PDE10A: variants seen among roughly 807,000 people sequenced by gnomAD.
The protein encoded by PDE10A is phosphodiesterase 10A.
PDE10A carries 39 observed loss-of-function variants against 97.7 expected under a neutral mutation model. That is an observed-to-expected ratio of 0.40 (90% confidence interval 0.31 to 0.52). The LOEUF (loss-of-function observed/expected upper bound fraction) is 0.52. Among genes scored for constraint, PDE10A ranks in the 20% least tolerant of loss-of-function variants. The pLI, the probability that PDE10A is intolerant of heterozygous loss-of-function variation, is 0.56. For synonymous variants in PDE10A, 371 were observed against 376.8 expected, an observed-to-expected ratio of 0.98 and a Z score of 0.18; for missense variants, 731 against 1,047.8, an observed-to-expected ratio of 0.70 and a Z score of 4.17.
intron 3 of PDE10A, among the ~76,000 whole-genome samples, chr6:165,474,736 C>G (rs907913702): frequency 6.6e-6 from 1 of 152,130 alleles, no homozygotes; most frequent in Admixed American, 6.6e-5. Context: ...TAATTCCACT[C>G]TTAGTATTTG....
chr6:165,399,759 C>A (rs1786486469), intron 13 of PDE10A, among the ~76,000 whole-genome samples: 1 of 152,164 alleles, frequency 6.6e-6, no homozygotes, highest in South Asian at 2.1e-4. Flanking sequence ...ATGAACTCAT[C>A]ATTTTTTATG....
rs191496198 is a variant in PDE10A at position 165,371,265 on chromosome 6, A to G, written c.2783+7929T>C. 6.4e-3 allele frequency among the ~76,000 whole-genome samples: 970 copies of G among 151,820 alleles called. 34 individuals are homozygous for G. Among genetic ancestry groups the G allele is most frequent in the Admixed American group, 0.06 (905 of 15,186 alleles). On this transcript the variant is annotated intron_variant, in intron 18 of 21. Coordinates refer to ENST00000539869, the MANE Select transcript of PDE10A (RefSeq NM_001385079.1). ...TGAAGGAAATAGAGACACAAAAAACATTTCAAAAAATTAATGAATCCAGGA... is the reference window on the plus strand; with the variant it reads ...TGAAGGAAATAGAGACACAAAAAACGTTTCAAAAAATTAATGAATCCAGGA...
Position 165,416,177 on chromosome 6 carries a change from G to A in PDE10A, c.1889+12C>T. The A allele has an allele frequency of 6.5e-7, 1 of 1,535,530 alleles. No individual in the cohort carries two copies. The highest frequency in any genetic ancestry group is 9.0e-7 in the Non-Finnish European group (1 of 1,108,374). On this transcript the variant is annotated intron_variant, in intron 12 of 21. Transcript: ENST00000539869. The stretch of plus-strand genomic sequence containing the variant: ...AGAAATCAATGGAGTGTCGACATCA[G>A]CTATTTCTTACCTGTTAAAGCGTGG...
At chr6:165,754,421 A>T (rs761606361) in intron 1 of PDE10A, 10 of 152,246 alleles carry the variant, frequency 6.6e-5, no homozygotes, top group Non-Finnish European at 1.3e-4. Context: ...TACTAACTAC[A>T]ATTACTAACA....
intron 1 of PDE10A, among the ~76,000 whole-genome samples, chr6:165,622,525 T>A (rs148050021): frequency 6.6e-6 from 1 of 152,218 alleles, no homozygotes; most frequent in African/African-American, 2.4e-5. Flanking sequence ...GATTTGTGTA[T>A]CTAAACATAT....
intron 2 of PDE10A, among the ~76,000 whole-genome samples, chr6:165,503,281 CAACGTGACTCAT>C (rs1303484670): frequency 3.9e-5 from 6 of 152,192 alleles, no homozygotes; most frequent in African/African-American, 1.2e-4. Flanking sequence ...AAGAACTTCT[CAACGTGACTCAT>C]ATTATTCCTT....
chr6:165,649,355 G>A (rs978572479), intron 1 of PDE10A, among the ~76,000 whole-genome samples: 2 of 152,174 alleles, frequency 1.3e-5, no homozygotes, highest in Non-Finnish European at 2.9e-5. Context: ...TCCAAACCAA[G>A]GGGGAAGAGT....
At chr6:165,706,493 C>T (rs1468798405) in intron 1 of PDE10A, among the ~76,000 whole-genome samples, 2 of 152,202 alleles carry the variant, frequency 1.3e-5, no homozygotes, top group African/African-American at 4.8e-5. Context: ...TCTGATCCTT[C>T]ATAGCTAAGG....
chr6:165,986,027 C>T (rs1376713207), intron 1 of PDE10A: 2 of 152,758 alleles, frequency 1.3e-5, no homozygotes, highest in Non-Finnish European at 1.5e-5. Context: ...CGAGGGCATT[C>T]CTGCGGAGGG....
At chr6:165,373,716 C>T (rs557571559) in intron 18 of PDE10A, among the ~76,000 whole-genome samples, 35 of 152,194 alleles carry the variant, frequency 2.3e-4, no homozygotes, top group Non-Finnish European at 4.4e-4. Flanking sequence ...TGTGACCCAG[C>T]CATCCCATTA....
chr6:165,929,264 G>C (rs1783048875), intron 1 of PDE10A, among the ~76,000 whole-genome samples: 1 of 152,220 alleles, frequency 6.6e-6, no homozygotes, highest in Non-Finnish European at 1.5e-5. Flanking sequence ...CTCGAGTGCA[G>C]GTCAGATTTG....
chr6:165,857,260 C>T (rs1253307203), intron 1 of PDE10A, among the ~76,000 whole-genome samples: 2 of 152,208 alleles, frequency 1.3e-5, no homozygotes, highest in Middle Eastern at 3.4e-3. Flanking sequence ...TGCATATTGG[C>T]CAGAGAGTTT....
intron 1 of PDE10A, among the ~76,000 whole-genome samples, chr6:165,737,578 C>T (rs1227025835): frequency 6.6e-6 from 1 of 152,172 alleles, no homozygotes. Context: ...TGCAAAAAAG[C>T]ATTTGACAAA....
At chr6:165,747,204 T>C (rs1481152315) in intron 1 of PDE10A, among the ~76,000 whole-genome samples, 1 of 152,246 alleles carries the variant, frequency 6.6e-6, no homozygotes, top group Non-Finnish European at 1.5e-5. Context: ...ATAAACATTT[T>C]TTTAAAATTT....
At chr6:165,595,067 C>T (rs909654803) in intron 1 of PDE10A, among the ~76,000 whole-genome samples, 1 of 152,180 alleles carries the variant, frequency 6.6e-6, no homozygotes, top group Admixed American at 6.5e-5. Context: ...AATTCTGAAA[C>T]CCAGATTCTT....
chr6:165,529,341 G>A (rs1181606904), intron 2 of PDE10A, among the ~76,000 whole-genome samples: 1 of 152,100 alleles, frequency 6.6e-6, no homozygotes, highest in Admixed American at 6.6e-5. Flanking sequence ...AAAGTCTATG[G>A]GAAACTATAA....
chr6:165,525,229 A>G (rs575697195), intron 2 of PDE10A, among the ~76,000 whole-genome samples: 3 of 152,296 alleles, frequency 2.0e-5, no homozygotes, highest in African/African-American at 7.2e-5. Flanking sequence ...AATCTGGAGA[A>G]CAGGCATGGG....
chr6:165,886,147 G>A (rs1196959779), intron 1 of PDE10A, among the ~76,000 whole-genome samples: 1 of 152,108 alleles, frequency 6.6e-6, no homozygotes, highest in Non-Finnish European at 1.5e-5. Flanking sequence ...TCCTATTATG[G>A]GCATAGCTGA....
At chr6:165,855,693 T>C (rs1189424368) in intron 1 of PDE10A, among the ~76,000 whole-genome samples, 1 of 152,028 alleles carries the variant, frequency 6.6e-6, no homozygotes, top group Admixed American at 6.6e-5. Context: ...ATGAATCCCT[T>C]AAGTGGTGGC....
Sources: allele counts gnomAD v4.1 joint callset (sites outside exome capture counted in the v4.1 genomes callset), GRCh38; gene constraint gnomAD v4.1.1; transcripts MANE v1.5; gene names NCBI Gene and HGNC (gene_info 2026-07-23, HGNC 2026-07-21).